Variants in BABAM2 observed in about 807,000 individuals in gnomAD.
BABAM2 encodes the protein BRISC and BRCA1 A complex member 2.
A neutral mutation model predicts 54.7 loss-of-function variants in BABAM2; 31 were observed. That is an observed-to-expected ratio of 0.57 (90% CI 0.43 to 0.77). BABAM2 has a LOEUF of 0.77. Ranked by LOEUF, BABAM2 falls within the 30% of genes least tolerant of loss-of-function variation. The pLI is 0.00. For synonymous variants in BABAM2, 167 were observed against 162.9 expected, an observed-to-expected ratio of 1.03 and a Z score of -0.19; for missense variants, 364 against 455.8, an observed-to-expected ratio of 0.80 and a Z score of 1.83.
At chr2:28,020,202 A>G (rs1415168229) in intron 4 of BABAM2, among the ~76,000 whole-genome samples, 1 of 152,228 alleles carries the variant, frequency 6.6e-6, no homozygotes, top group Non-Finnish European at 1.5e-5. Context: ...TTAGTTGTGT[A>G]GAAGAGACAA....
intron 7 of BABAM2, among the ~76,000 whole-genome samples, chr2:28,143,372 G>A (rs188651359): frequency 6.6e-6 from 1 of 152,086 alleles, no homozygotes; most frequent in Admixed American, 6.5e-5. Context: ...GGGAGAAGTA[G>A]GTCAAAGAAT....
At chr2:28,283,049 C>T (rs1686511276) in intron 10 of BABAM2, among the ~76,000 whole-genome samples, 1 of 126,558 alleles carries the variant, frequency 7.9e-6, no homozygotes, top group Non-Finnish European at 1.8e-5. Context: ...AACCCCATGC[C>T]TAACTATTAT....
At chr2:28,216,088 CTCT>C (rs960278754) in intron 7 of BABAM2, among the ~76,000 whole-genome samples, 1 of 152,222 alleles carries the variant, frequency 6.6e-6, no homozygotes, top group African/African-American at 2.4e-5. Flanking sequence ...TTCCACTTCT[CTCT>C]TAATTTTCTT....
intron 3 of BABAM2, among the ~76,000 whole-genome samples, chr2:27,976,007 G>A (rs1671575106): frequency 6.6e-6 from 1 of 152,096 alleles, no homozygotes; most frequent in Non-Finnish European, 1.5e-5. Context: ...ATGCCATGAT[G>A]TACCTGTTAG....
intron 7 of BABAM2, among the ~76,000 whole-genome samples, chr2:28,186,963 G>T (rs1001439419): frequency 1.3e-5 from 2 of 151,996 alleles, no homozygotes; most frequent in Non-Finnish European, 2.9e-5. Flanking sequence ...CCGCCAACAA[G>T]CCCGGCTAAT....
intron 11 of BABAM2, among the ~76,000 whole-genome samples, chr2:28,306,138 C>A (rs1391533507): frequency 1.3e-5 from 2 of 152,098 alleles, no homozygotes; most frequent in Non-Finnish European, 2.9e-5. Flanking sequence ...TTTTGTAGAC[C>A]AGCATGTGAT....
chr2:27,935,856 G>A (rs1381664863), intron 3 of BABAM2, among the ~76,000 whole-genome samples: 1 of 152,140 alleles, frequency 6.6e-6, no homozygotes, highest in African/African-American at 2.4e-5. Context: ...ACTTGGTGGA[G>A]GCTGACATCA....
chr2:28,197,487 C>T (rs1275464031), intron 7 of BABAM2, among the ~76,000 whole-genome samples: 2 of 152,314 alleles, frequency 1.3e-5, no homozygotes, highest in Non-Finnish European at 2.9e-5. Flanking sequence ...ATGGGCATGG[C>T]AGATTGATTT....
chr2:27,904,614 AAGAC>A (rs144128805), intron 2 of BABAM2, among the ~76,000 whole-genome samples: 2,108 of 152,232 alleles, frequency 0.014, 52 homozygotes, highest in African/African-American at 0.048. Context: ...ATCAACATGA[AAGAC>A]AGAGAGCAAA....
intron 6 of BABAM2, among the ~76,000 whole-genome samples, chr2:28,107,322 G>C (rs1353981568): frequency 6.6e-6 from 1 of 152,164 alleles, no homozygotes; most frequent in Non-Finnish European, 1.5e-5. Context: ...CTGTAAAACA[G>C]TCTGATTATG....
At chr2:28,084,092 T>C (rs945154597) in intron 6 of BABAM2, among the ~76,000 whole-genome samples, 1 of 152,146 alleles carries the variant, frequency 6.6e-6, no homozygotes, top group African/African-American at 2.4e-5. Context: ...GTCTTTTCCT[T>C]CTCACTCCAG....
chr2:28,026,834 AT>A (rs1675751437), intron 5 of BABAM2, among the ~76,000 whole-genome samples: 3 of 45,964 alleles, frequency 6.5e-5, no homozygotes, highest in Admixed American at 3.0e-4. Context: ...ATATATATAA[AT>A]ATATATAAAT....
chr2:28,003,498 G>A (rs1451294641), intron 4 of BABAM2, among the ~76,000 whole-genome samples: 2 of 152,122 alleles, frequency 1.3e-5, no homozygotes, highest in African/African-American at 4.8e-5. Flanking sequence ...GCTAAAGTGG[G>A]AGAATCGTTT....
At position 27,894,588 on chromosome 2, in the gene BABAM2, C is replaced by T. The variant is rs144572761; in HGVS notation, c.32C>T (p.Ser11Phe). 14 of 1,614,016 alleles carry T rather than the reference C, an allele frequency of 8.7e-6. No individual in the cohort carries two copies. Among genetic ancestry groups the T allele is most frequent in the Non-Finnish European group, 1.2e-5 (14 of 1,179,878 alleles). The part of the protein sequence containing the change: MSPEVALNRI[S>F]PMLSPFISSV... ...CCAGAAGTGGCCTTGAACCGAATAT[C>T]TCCAATGCTCTCCCCTTTCATATCT... Residue 11 changes from serine (S) to phenylalanine (F), a missense_variant, in exon 2 of 12, where the codon TCT (serine) becomes TTT (phenylalanine). Coordinates refer to ENST00000379624, the MANE Select transcript of BABAM2 (RefSeq NM_199191.3).
intron 4 of BABAM2, chr2:28,013,466 A>G: frequency 2.3e-6 from 1 of 444,300 alleles, no homozygotes; most frequent in South Asian, 1.6e-5. Context: ...TACCAGTCCT[A>G]TCACAAACTT....
chr2:28,290,662 T>A (rs1687213617), intron 10 of BABAM2, among the ~76,000 whole-genome samples: 1 of 152,196 alleles, frequency 6.6e-6, no homozygotes, highest in Non-Finnish European at 1.5e-5. Context: ...CTGCAGTGAT[T>A]CCTACCTGGG....
At chr2:28,181,313 C>T (rs1362143121) in intron 7 of BABAM2, among the ~76,000 whole-genome samples, 1 of 152,112 alleles carries the variant, frequency 6.6e-6, no homozygotes, top group Non-Finnish European at 1.5e-5. Flanking sequence ...GAGTGAAATT[C>T]TGTCATATGC....
At chr2:27,945,705 A>G (rs1669250170) in intron 3 of BABAM2, among the ~76,000 whole-genome samples, 1 of 151,938 alleles carries the variant, frequency 6.6e-6, no homozygotes, top group Non-Finnish European at 1.5e-5. Context: ...TCTGAGCAGT[A>G]TTTTATAGTT....
intron 11 of BABAM2, among the ~76,000 whole-genome samples, chr2:28,336,047 C>T (rs994964261): frequency 1.3e-5 from 2 of 152,116 alleles, no homozygotes; most frequent in Non-Finnish European, 2.9e-5. Flanking sequence ...CATTGAATGC[C>T]AGGCTGAGAG....
Sources: gnomAD v4.1 joint callset for allele counts (sites outside exome capture counted in the v4.1 genomes callset) on GRCh38, gnomAD v4.1.1 for gene constraint, MANE v1.5 for transcripts, NCBI Gene and HGNC (gene_info 2026-07-23, HGNC 2026-07-21) for gene names.